Variants in AGBL4 observed in about 807,000 individuals in gnomAD.
AGBL4 encodes AGBL carboxypeptidase 4, also known as cytosolic carboxypeptidase 6.
Under a neutral mutation model 66.4 loss-of-function variants are expected in AGBL4, and 58 were observed. The ratio of observed to expected loss-of-function variants is 0.87; its 90% CI spans 0.71 to 1.09. The LOEUF (loss-of-function observed/expected upper bound fraction) is 1.09. Among genes scored for constraint, AGBL4 ranks in the 50% least tolerant of loss-of-function variants. AGBL4 has a pLI of 0.00. For synonymous variants in AGBL4, 234 were observed against 222.9 expected (o/e 1.05, Z -0.44); for missense variants, 579 against 631.0 (o/e 0.92, Z 0.88).
At chr1:49,479,787 C>T (rs1225614356) in intron 3 of AGBL4, among the ~76,000 whole-genome samples, 26 of 151,064 alleles carry the variant, frequency 1.7e-4, no homozygotes, top group Non-Finnish European at 3.3e-4. Flanking sequence ...CTGCAAGCTC[C>T]GCCTCCCGGG....
intron 9 of AGBL4, among the ~76,000 whole-genome samples, chr1:48,616,235 A>G (rs575583972): frequency 6.6e-6 from 1 of 152,162 alleles, no homozygotes; most frequent in African/African-American, 2.4e-5. Flanking sequence ...TTGAATTTTA[A>G]TAAGATATCC....
intron 2 of AGBL4, among the ~76,000 whole-genome samples, chr1:49,741,679 G>C (rs574274932): frequency 1.3e-5 from 2 of 152,142 alleles, no homozygotes; most frequent in Non-Finnish European, 2.9e-5. Context: ...GAATCCAGCA[G>C]CATATCAAAA....
chr1:49,217,621 C>T (rs1278174801), intron 4 of AGBL4, among the ~76,000 whole-genome samples: 1 of 152,068 alleles, frequency 6.6e-6, no homozygotes, highest in African/African-American at 2.4e-5. Flanking sequence ...TGGCTGAGTG[C>T]ATCTCATTTT....
chr1:49,509,803 G>A (rs1649041635), intron 3 of AGBL4, among the ~76,000 whole-genome samples: 1 of 151,744 alleles, frequency 6.6e-6, no homozygotes, highest in Non-Finnish European at 1.5e-5. Context: ...TAAAATAGGG[G>A]TAACAATATT....
At chr1:49,442,475 T>C (rs968165641) in intron 3 of AGBL4, among the ~76,000 whole-genome samples, 5 of 152,182 alleles carry the variant, frequency 3.3e-5, no homozygotes, top group African/African-American at 1.2e-4. Context: ...ATCAATTTTC[T>C]TTTAGCTTCC....
At chr1:48,623,847 C>A (rs1345963161) in intron 9 of AGBL4, among the ~76,000 whole-genome samples, 2 of 152,096 alleles carry the variant, frequency 1.3e-5, no homozygotes, top group Non-Finnish European at 2.9e-5. Context: ...AGTGGGTTAA[C>A]TGGAAAAGTT....
At chr1:49,324,571 G>T (rs150529312) in intron 3 of AGBL4, among the ~76,000 whole-genome samples, 1 of 152,238 alleles carries the variant, frequency 6.6e-6, no homozygotes, top group Admixed American at 6.5e-5. Flanking sequence ...GCATTAGAAA[G>T]TACTGAATTT....
rs367554690 is a variant in AGBL4 at position 49,561,059 on chromosome 1, T to A, written c.282+136254A>T. On this transcript the variant is annotated intron_variant, in intron 3 of 13. Coordinates refer to ENST00000371839, the MANE Select transcript of AGBL4 (RefSeq NM_032785.4). ...AGTAAGGACATGGAAAACACAAAAT[T>A]CTATAACAACATAACTATGGTGTGT... Among the ~76,000 whole-genome samples, 304 of 152,100 alleles carry A rather than the reference T, an allele frequency of 2.0e-3. 3 individuals are homozygous for A. The highest frequency in any genetic ancestry group is 0.01 in the South Asian group (49 of 4,808).
At chr1:49,882,822 T>G (rs1647543052) in intron 1 of AGBL4, among the ~76,000 whole-genome samples, 1 of 152,138 alleles carries the variant, frequency 6.6e-6, no homozygotes, top group African/African-American at 2.4e-5. Flanking sequence ...ATTTTAGAAA[T>G]TTGTTGAGGC....
intron 6 of AGBL4, among the ~76,000 whole-genome samples, chr1:48,799,673 T>C (rs1645766338): frequency 1.3e-5 from 2 of 152,166 alleles, no homozygotes; most frequent in Admixed American, 1.3e-4. Flanking sequence ...ATGACACTTC[T>C]ATGCTGATTT....
intron 8 of AGBL4, among the ~76,000 whole-genome samples, chr1:48,641,448 T>A (rs996740418): frequency 6.6e-6 from 1 of 152,114 alleles, no homozygotes; most frequent in Non-Finnish European, 1.5e-5. Flanking sequence ...TAGATCATCA[T>A]GACGAGGAGA....
chr1:49,087,626 A>T (rs997001394), intron 4 of AGBL4, among the ~76,000 whole-genome samples: 1 of 152,210 alleles, frequency 6.6e-6, no homozygotes, highest in Non-Finnish European at 1.5e-5. Context: ...CATATCCAAA[A>T]GAGAGGGAGA....
chr1:48,619,671 G>A (rs979246822), intron 9 of AGBL4, among the ~76,000 whole-genome samples: 1 of 152,202 alleles, frequency 6.6e-6, no homozygotes, highest in African/African-American at 2.4e-5. Flanking sequence ...TAAGAGGAAA[G>A]AAGTTTTCCT....
At chr1:49,717,700 G>A (rs1648263137) in intron 2 of AGBL4, among the ~76,000 whole-genome samples, 1 of 151,976 alleles carries the variant, frequency 6.6e-6, no homozygotes, top group African/African-American at 2.4e-5. Flanking sequence ...GTTCTTTGAG[G>A]AAAAGAATCT....
intron 3 of AGBL4, among the ~76,000 whole-genome samples, chr1:49,287,741 T>C (rs1210202117): frequency 2.0e-5 from 3 of 148,182 alleles, no homozygotes; most frequent in Non-Finnish European, 3.0e-5. Flanking sequence ...TGTGGAGAAA[T>C]AGGAACACTT....
At chr1:48,827,869 TGGGGGCCAG>T (rs1166922379) in intron 6 of AGBL4, among the ~76,000 whole-genome samples, 1 of 151,710 alleles carries the variant, frequency 6.6e-6, no homozygotes, top group Non-Finnish European at 1.5e-5. Context: ...GTATTGAAAA[TGGGGGCCAG>T]GAGCGGCGGC....
Position 49,684,560 on chromosome 1 carries a change from T to C in AGBL4, c.282+12753A>G, listed in dbSNP as rs969573231. Reference sequence around the variant, plus strand: ...TCTTCATAAACAAGTAACCATGTCATGTCACATCAATCAATGTTGATGTTA... The same window carrying C: ...TCTTCATAAACAAGTAACCATGTCACGTCACATCAATCAATGTTGATGTTA... On this transcript the variant is annotated intron_variant, in intron 3 of 13. Coordinates refer to ENST00000371839, the MANE Select transcript of AGBL4 (RefSeq NM_032785.4). Among the ~76,000 whole-genome samples, 6 of 152,268 alleles carry C rather than the reference T, an allele frequency of 3.9e-5. No individual in the cohort carries two copies. The Middle Eastern group carries it at 0.014, about 345-fold the overall frequency.
intron 6 of AGBL4, among the ~76,000 whole-genome samples, chr1:48,764,490 G>A (rs1644433927): frequency 6.6e-6 from 1 of 152,144 alleles, no homozygotes; most frequent in Admixed American, 6.5e-5. Context: ...TGGGGAAGGG[G>A]GGGAAATATT....
At chr1:49,590,051 C>A (rs1053222918) in intron 3 of AGBL4, among the ~76,000 whole-genome samples, 1 of 151,920 alleles carries the variant, frequency 6.6e-6, no homozygotes, top group African/African-American at 2.4e-5. Flanking sequence ...GTCACATAAA[C>A]AAAAATTGTT....
Sources: gnomAD v4.1 joint callset for allele counts (sites outside exome capture counted in the v4.1 genomes callset) on GRCh38, gnomAD v4.1.1 for gene constraint, MANE v1.5 for transcripts, NCBI Gene and HGNC (gene_info 2026-07-23, HGNC 2026-07-21) for gene names.